Variants in SPAG16 observed in about 807,000 individuals in gnomAD.
The protein encoded by SPAG16 is sperm associated antigen 16.
A neutral mutation model predicts 80.4 loss-of-function variants in SPAG16; 86 were observed. That is an observed-to-expected ratio of 1.07 (90% CI 0.90 to 1.28). The LOEUF is 1.28. SPAG16 is among the 50% of genes most tolerant of loss of function. SPAG16 has a pLI of 0.00. For missense variants in SPAG16, 870 were observed against 765.3 expected (o/e 1.14, Z -1.61); for synonymous variants, 294 against 265.9 (o/e 1.11, Z -1.03).
In SPAG16 at chr2:214,333,985, A is replaced by G. The variant is rs73087063; in HGVS notation, c.1721-76155A>G. Among the ~76,000 whole-genome samples the G allele has an allele frequency of 6.9e-3, 1,055 of 152,310 alleles. 15 individuals carry two copies. The highest frequency in any genetic ancestry group is 0.024 in the African/African-American group (983 of 41,576). ...TATATTATTCCATTCTTCCAGGGCT[A>G]TTGCCAGGTTGTTAATCCTTTATTA... is the stretch of plus-strand genomic sequence containing the variant. On this transcript the variant is annotated intron_variant, in intron 15 of 15. Transcript: ENST00000331683.
At chr2:213,744,592 A>G (rs965818255) in intron 10 of SPAG16, among the ~76,000 whole-genome samples, 3 of 152,242 alleles carry the variant, frequency 2.0e-5, no homozygotes, top group African/African-American at 7.2e-5. Context: ...AATCATCCAT[A>G]GTATCTTTGT....
intron 10 of SPAG16, among the ~76,000 whole-genome samples, chr2:213,678,091 C>T (rs1487489569): frequency 1.3e-5 from 2 of 151,990 alleles, no homozygotes; most frequent in African/African-American, 4.8e-5. Flanking sequence ...ACACAACATA[C>T]CAGAATCTCT....
chr2:214,268,561 T>G (rs1691757265), intron 15 of SPAG16, among the ~76,000 whole-genome samples: 1 of 151,890 alleles, frequency 6.6e-6, no homozygotes, highest in Non-Finnish European at 1.5e-5. Context: ...TAGTGGAAAA[T>G]TATGTAGGAC....
chr2:214,324,369 C>A (rs1696327087), intron 15 of SPAG16, among the ~76,000 whole-genome samples: 1 of 152,106 alleles, frequency 6.6e-6, no homozygotes, highest in African/African-American at 2.4e-5. Context: ...AATGGAGTAA[C>A]CTCAGAAGCA....
At chr2:214,060,631 T>C (rs2050213194) in intron 13 of SPAG16, among the ~76,000 whole-genome samples, 1 of 152,022 alleles carries the variant, frequency 6.6e-6, no homozygotes, top group South Asian at 2.1e-4. Flanking sequence ...AAGAGAGAGG[T>C]TTTCTTTGTT....
intron 15 of SPAG16, among the ~76,000 whole-genome samples, chr2:214,394,816 A>G (rs1014781174): frequency 1.3e-5 from 2 of 152,292 alleles, no homozygotes; most frequent in African/African-American, 4.8e-5. Context: ...ATACTATGGT[A>G]TCGCAGAATA....
chr2:214,311,262 AG>A (rs1426269522), intron 15 of SPAG16, among the ~76,000 whole-genome samples: 6 of 152,134 alleles, frequency 3.9e-5, no homozygotes, highest in Non-Finnish European at 5.9e-5. Flanking sequence ...ACAGCTCCCC[AG>A]GGACCTGATG....
At chr2:213,329,336 A>G (rs578169766) in intron 5 of SPAG16, among the ~76,000 whole-genome samples, 2 of 152,338 alleles carry the variant, frequency 1.3e-5, no homozygotes, top group Non-Finnish European at 2.9e-5. Context: ...CGTTGCCCAA[A>G]GTGCTGATAA....
intron 14 of SPAG16, among the ~76,000 whole-genome samples, chr2:214,126,897 T>C (rs2054523544): frequency 6.6e-6 from 1 of 151,880 alleles, no homozygotes; most frequent in Admixed American, 6.7e-5. Context: ...AAAAGGATTA[T>C]CCCCAAGTAC....
At chr2:214,131,240 G>A (rs1268377674) in intron 14 of SPAG16, among the ~76,000 whole-genome samples, 7 of 152,042 alleles carry the variant, frequency 4.6e-5, no homozygotes, top group Admixed American at 2.6e-4. Context: ...ATATTGGCAT[G>A]CACCTGTGGT....
intron 10 of SPAG16, among the ~76,000 whole-genome samples, chr2:213,634,638 G>C (rs147907103): frequency 6.6e-6 from 1 of 152,058 alleles, no homozygotes; most frequent in Non-Finnish European, 1.5e-5. Flanking sequence ...AGGGGAACAG[G>C]TATTATTTGG....
At chr2:214,011,214 A>T (rs916684384) in intron 12 of SPAG16, among the ~76,000 whole-genome samples, 3 of 145,998 alleles carry the variant, frequency 2.1e-5, no homozygotes, top group East Asian at 3.9e-4. Context: ...ATATTTAAAG[A>T]TGATTATTTC....
chr2:213,315,651 C>T (rs931135526), intron 4 of SPAG16, among the ~76,000 whole-genome samples: 6 of 151,560 alleles, frequency 4.0e-5, no homozygotes, highest in African/African-American at 1.5e-4. Context: ...GTCTCTCAGA[C>T]GTACTCTCAG....
chr2:214,050,832 A>G (rs1255372825), intron 13 of SPAG16, among the ~76,000 whole-genome samples: 1 of 152,166 alleles, frequency 6.6e-6, no homozygotes, highest in Non-Finnish European at 1.5e-5. Context: ...TACCAAAATC[A>G]TTTCAGCTTT....
At position 214,049,342 on chromosome 2, in the gene SPAG16, G is replaced by A. The variant is rs189990353; in HGVS notation, c.1527+35265G>A. 2.6e-3 allele frequency among the ~76,000 whole-genome samples: 391 copies of A among 152,218 alleles called. 3 individuals carry two copies. The highest frequency in any genetic ancestry group is 4.0e-3 in the Non-Finnish European group (271 of 68,004). On this transcript the variant is annotated intron_variant, in intron 13 of 15. Coordinates refer to ENST00000331683, the MANE Select transcript of SPAG16 (RefSeq NM_024532.5). ...GTCAATATTTGACTTTTAAAATCTGGATTACCCAGACTATAAACATGAAAG... is the reference window on the plus strand; with the variant it reads ...GTCAATATTTGACTTTTAAAATCTGAATTACCCAGACTATAAACATGAAAG...
At chr2:213,807,292 G>A (rs1220145116) in intron 10 of SPAG16, among the ~76,000 whole-genome samples, 1 of 151,426 alleles carries the variant, frequency 6.6e-6, no homozygotes, top group African/African-American at 2.4e-5. Flanking sequence ...TCTTGTCCTC[G>A]ACTCCACCTG....
intron 10 of SPAG16, among the ~76,000 whole-genome samples, chr2:213,816,481 C>T (rs145253383): frequency 1.4e-4 from 21 of 152,100 alleles, no homozygotes; most frequent in African/African-American, 5.1e-4. Context: ...TTTAGCTTTA[C>T]TCTGTAATTT....
At chr2:213,674,556 C>T (rs1396345063) in intron 10 of SPAG16, among the ~76,000 whole-genome samples, 5 of 149,180 alleles carry the variant, frequency 3.4e-5, no homozygotes, top group Non-Finnish European at 7.4e-5. Flanking sequence ...CACAACAGTC[C>T]CCAGAGTGTG....
At chr2:213,734,237 C>A (rs1309912204) in intron 10 of SPAG16, among the ~76,000 whole-genome samples, 1 of 152,090 alleles carries the variant, frequency 6.6e-6, no homozygotes, top group East Asian at 1.9e-4. Context: ...CAGGACCCAG[C>A]AAGAAAAGAG....
Sources: gnomAD v4.1 joint callset for allele counts (sites outside exome capture counted in the v4.1 genomes callset) on GRCh38, gnomAD v4.1.1 for gene constraint, MANE v1.5 for transcripts, NCBI Gene and HGNC (gene_info 2026-07-23, HGNC 2026-07-21) for gene names.